CTCF: variants seen among roughly 807,000 people sequenced by gnomAD.
CTCF encodes the protein CCCTC-binding factor, also known as transcriptional repressor CTCF.
A neutral mutation model predicts 72.3 loss-of-function variants in CTCF; 7 were observed. The observed-to-expected ratio is 0.10, with a 90% CI of 0.06 to 0.18. The LOEUF is 0.18. Ranked by LOEUF, CTCF falls within the 10% of genes least tolerant of loss-of-function variation. CTCF has a pLI of 1.00. For synonymous variants in CTCF, 374 were observed against 315.8 expected (o/e 1.18, Z -1.95); for missense variants, 516 against 949.1 (o/e 0.54, Z 6.00).
intron 2 of CTCF, among the ~76,000 whole-genome samples, chr16:67,588,747 C>T (rs954686636): frequency 6.6e-6 from 1 of 152,064 alleles, no homozygotes; most frequent in African/African-American, 2.4e-5. Context: ...AGTGCAGTGG[C>T]GTGAACTCAG....
Position 67,616,785 on chromosome 16 carries a change from T to C in CTCF, c.993T>C (p.Phe331=), listed in dbSNP as rs1342513520. The part of the protein sequence containing the change: ...PHKCPDCDMA[F]VTSGELVRHR... ...AGTGCCCAGACTGCGACATGGCCTT[T>C]GTGACCAGTGGAGAATTGGTTCGGC... is the stretch of plus-strand genomic sequence containing the variant. The change falls in exon 5 of 12, where the codon TTT becomes TTC. Residue 331 remains phenylalanine, a synonymous_variant. Transcript: ENST00000264010. 2 of 1,614,214 alleles carry C rather than the reference T, an allele frequency of 1.2e-6. No homozygotes were observed. Among genetic ancestry groups the C allele is most frequent in the East Asian group, 4.5e-5 (2 of 44,890 alleles).
At chr16:67,576,102 A>G (rs2051492144) in intron 2 of CTCF, among the ~76,000 whole-genome samples, 1 of 145,688 alleles carries the variant, frequency 6.9e-6, no homozygotes, top group East Asian at 2.1e-4. Context: ...TTAAGGCTGC[A>G]TGCACTCTAG....
intron 2 of CTCF, among the ~76,000 whole-genome samples, chr16:67,591,913 A>G (rs571475337): frequency 1.3e-5 from 2 of 151,866 alleles, no homozygotes; most frequent in Non-Finnish European, 2.9e-5. Flanking sequence ...AGGTCTCACT[A>G]TGTTGCTCAG....
rs1245330550 is a variant in CTCF, at chr16:67,636,774, T to A, written c.1922T>A (p.Val641Glu). The A allele has an allele frequency of 6.2e-7, 1 of 1,607,086 alleles. No homozygotes were observed. Among genetic ancestry groups the A allele is most frequent in the Non-Finnish European group, 8.5e-7 (1 of 1,176,804 alleles). ...EIEPEPEPQP[V>E]TPAPPPAKKR... ...GAACCTGAGCCAGAGCCTCAGCCTG[T>A]GACCCCAGCCCCACCACCCGCCAAG... Residue 641 changes from valine (V) to glutamate (E), a missense_variant, in exon 11 of 12, where the codon GTG becomes GAG. This residue lies in a region of CTCF where 157 missense variants were observed against 172.9 expected (regional missense o/e 0.91). Coordinates refer to ENST00000264010, the MANE Select transcript of CTCF (RefSeq NM_006565.4).
intron 2 of CTCF, among the ~76,000 whole-genome samples, chr16:67,591,279 G>A (rs563608936): frequency 2.6e-5 from 4 of 152,092 alleles, no homozygotes; most frequent in Non-Finnish European, 5.9e-5. Context: ...GTGACAGAGC[G>A]AGACTCTGTC....
intron 7 of CTCF, among the ~76,000 whole-genome samples, chr16:67,623,052 C>T (rs1323140665): frequency 6.6e-6 from 1 of 151,708 alleles, no homozygotes; most frequent in Admixed American, 6.6e-5. Context: ...ACCTCCGCCT[C>T]CTGGGTTCAA....
At chr16:67,574,851 G>GC (rs2051473770) in intron 2 of CTCF, among the ~76,000 whole-genome samples, 1 of 149,808 alleles carries the variant, frequency 6.7e-6, no homozygotes, top group Non-Finnish European at 1.5e-5. Flanking sequence ...CAGAGACAGA[G>GC]TTTCACCTTG....
At chr16:67,586,460 C>T (rs537695019) in intron 2 of CTCF, among the ~76,000 whole-genome samples, 7 of 149,574 alleles carry the variant, frequency 4.7e-5, no homozygotes, top group South Asian at 2.1e-4. Flanking sequence ...TGCTTGAACC[C>T]GGGAGGCAGA....
intron 8 of CTCF, chr16:67,627,170 A>G (rs1197471538): frequency 1.3e-5 from 2 of 151,854 alleles, no homozygotes; most frequent in Non-Finnish European, 2.9e-5. Flanking sequence ...GAGATAGGCA[A>G]CAGAGAGAGA....
intron 10 of CTCF, among the ~76,000 whole-genome samples, chr16:67,631,174 T>G (rs1351380197): frequency 2.0e-5 from 3 of 148,598 alleles, no homozygotes; most frequent in Non-Finnish European, 4.4e-5. Flanking sequence ...TGTTTTTTGT[T>G]TTTTTTTTGA....
chr16:67,619,164 G>A (rs190892003), intron 5 of CTCF, among the ~76,000 whole-genome samples: 92 of 152,322 alleles, frequency 6.0e-4, no homozygotes, highest in Non-Finnish European at 1.0e-3. Flanking sequence ...GGCCAGGCGC[G>A]GTAGCTCACG....
chr16:67,609,788 A>G (rs2052033974), intron 2 of CTCF, among the ~76,000 whole-genome samples: 2 of 151,536 alleles, frequency 1.3e-5, no homozygotes, highest in African/African-American at 4.9e-5. Flanking sequence ...ACGCCCGGCT[A>G]ATTTTTTTGT....
At chr16:67,634,116 T>C (rs1429213151) in intron 10 of CTCF, among the ~76,000 whole-genome samples, 2 of 152,210 alleles carry the variant, frequency 1.3e-5, no homozygotes, top group East Asian at 1.9e-4. Context: ...AGCATTTTTA[T>C]TTATTATTTT....
At chr16:67,584,733 A>G (rs1285630539) in intron 2 of CTCF, among the ~76,000 whole-genome samples, 4 of 152,202 alleles carry the variant, frequency 2.6e-5, no homozygotes, top group African/African-American at 9.6e-5. Context: ...ATTAAAGCCA[A>G]AAGAAAATTT....
chr16:67,566,726 C>T (rs1567588384), intron 1 of CTCF, among the ~76,000 whole-genome samples: 1 of 151,076 alleles, frequency 6.6e-6, no homozygotes. Context: ...ACTACAGGCG[C>T]CTGCCACCAC....
At chr16:67,569,396 G>A (rs897034616) in intron 1 of CTCF, among the ~76,000 whole-genome samples, 1 of 151,478 alleles carries the variant, frequency 6.6e-6, no homozygotes, top group African/African-American at 2.4e-5. Flanking sequence ...ATGTTGGCCA[G>A]GATGGTCTCA....
At chr16:67,586,835 C>T (rs2051675191) in intron 2 of CTCF, among the ~76,000 whole-genome samples, 1 of 151,864 alleles carries the variant, frequency 6.6e-6, no homozygotes, top group Non-Finnish European at 1.5e-5. Context: ...ACTTTCTGGT[C>T]CAGGCTGGAG....
intron 8 of CTCF, 40 bp from the exon 9 acceptor site, chr16:67,628,330 A>G (rs1280455035): frequency 5.7e-6 from 9 of 1,590,906 alleles, no homozygotes; most frequent in Non-Finnish European, 7.7e-6. Flanking sequence ...CAGTAGCCCC[A>G]TGAGCAGGCT....
intron 2 of CTCF, among the ~76,000 whole-genome samples, chr16:67,586,568 C>T (rs1432680571): frequency 6.6e-6 from 1 of 151,840 alleles, no homozygotes; most frequent in African/African-American, 2.4e-5. Flanking sequence ...GGGCATGGCC[C>T]CTGTATTCCC....
Sources: gnomAD v4.1 joint callset for allele counts (sites outside exome capture counted in the v4.1 genomes callset) on GRCh38, gnomAD v4.1.1 for gene constraint, gnomAD v4.1.1 regional missense constraint, MANE v1.5 for transcripts, NCBI Gene and HGNC (gene_info 2026-07-23, HGNC 2026-07-21) for gene names.